Variants in ATP9A observed in about 807,000 individuals in gnomAD.
ATP9A encodes probable phospholipid-transporting ATPase IIA.
Under a neutral mutation model 144.1 loss-of-function variants are expected in ATP9A, and 52 were observed. The observed-to-expected ratio is 0.36, with a 90% confidence interval of 0.29 to 0.45. The LOEUF (loss-of-function observed/expected upper bound fraction) is 0.45. Ranked by LOEUF, ATP9A falls within the 20% of genes least tolerant of loss-of-function variation. The probability of loss-of-function intolerance (pLI) is 1.00; values close to 1 mark genes in which losing one functional copy is unlikely to be tolerated. For synonymous variants in ATP9A, 582 were observed against 557.4 expected, an observed-to-expected ratio of 1.04 and a Z score of -0.62; for missense variants, 947 against 1,392.7, an observed-to-expected ratio of 0.68 and a Z score of 5.09.
intron 1 of ATP9A, among the ~76,000 whole-genome samples, chr20:51,746,347 A>G (rs777960532): frequency 2.0e-5 from 3 of 152,218 alleles, no homozygotes; most frequent in Non-Finnish European, 4.4e-5. Flanking sequence ...CATTCACTTA[A>G]CTGATTGAAA....
intron 27 of ATP9A, among the ~76,000 whole-genome samples, chr20:51,602,355 C>A (rs952232221): frequency 1.3e-5 from 2 of 152,196 alleles, no homozygotes; most frequent in Admixed American, 6.5e-5. Context: ...AAGTGCCAGG[C>A]CCAAGGCTCA....
intron 14 of ATP9A, among the ~76,000 whole-genome samples, 154 bp from the exon 15 acceptor site, chr20:51,639,658 GAC>G (rs1457551867): frequency 6.6e-6 from 1 of 152,208 alleles, no homozygotes; most frequent in Non-Finnish European, 1.5e-5. Context: ...GCTGGCCCAT[GAC>G]AGTGTCTGTT....
chr20:51,741,713 A>C (rs2077785952), intron 1 of ATP9A, among the ~76,000 whole-genome samples: 3 of 152,184 alleles, frequency 2.0e-5, no homozygotes. Flanking sequence ...TCTAGCTTCT[A>C]CCTACACAAT....
In ATP9A at chr20:51,651,294, AATATATATTT is replaced by A. The variant is rs2077364558; in HGVS notation, c.1506+5634_1506+5643del. The stretch of plus-strand genomic sequence containing the variant: ...TATATATTTACATAATATATTATAT[AATATATATTT>A]ACATAATATATTATATAATATATAT... On this transcript the variant is annotated intron_variant, in intron 14 of 27. Coordinates refer to ENST00000338821, the MANE Select transcript of ATP9A (RefSeq NM_006045.3). 3.0e-5 allele frequency among the ~76,000 whole-genome samples: 4 copies of A among 134,018 alleles called. 1 individual carries two copies. Among genetic ancestry groups the A allele is most frequent in the Non-Finnish European group, 4.7e-5 (3 of 64,036 alleles). 87.9% of individuals were successfully genotyped at this position (134,018 alleles called of 152,430 possible).
chr20:51,706,312 C>G (rs2077614447), intron 4 of ATP9A, among the ~76,000 whole-genome samples: 1 of 152,258 alleles, frequency 6.6e-6, no homozygotes, highest in South Asian at 2.1e-4. Context: ...CATTCCAGCT[C>G]TGCCTTTTGC....
intron 3 of ATP9A, among the ~76,000 whole-genome samples, chr20:51,723,212 G>C (rs2077697136): frequency 6.6e-6 from 1 of 152,102 alleles, no homozygotes. Context: ...AGGACACAAA[G>C]GCATAAGAAT....
At chr20:51,658,721 T>C (rs780970908) in intron 13 of ATP9A, among the ~76,000 whole-genome samples, 6 of 151,698 alleles carry the variant, frequency 4.0e-5, no homozygotes, top group Non-Finnish European at 8.8e-5. Context: ...GGTTTCACCA[T>C]GTTGGCCAGG....
intron 3 of ATP9A, among the ~76,000 whole-genome samples, chr20:51,724,944 G>A (rs181406864): frequency 9.7e-4 from 147 of 152,268 alleles, no homozygotes; most frequent in Non-Finnish European, 1.5e-3. Flanking sequence ...CTTGGGAGCC[G>A]AAGTGTTTGA....
chr20:51,675,619 C>T (rs572297702), intron 10 of ATP9A, among the ~76,000 whole-genome samples: 13 of 152,334 alleles, frequency 8.5e-5, no homozygotes, highest in Non-Finnish European at 1.3e-4. Context: ...ATGGCTCACG[C>T]CTGTAATCCC....
intron 1 of ATP9A, among the ~76,000 whole-genome samples, chr20:51,761,701 A>C (rs1399361699): frequency 1.3e-5 from 2 of 151,880 alleles, no homozygotes; most frequent in African/African-American, 4.8e-5. Context: ...CGGAGCTTGC[A>C]GTGAGCCAAG....
At chr20:51,742,191 T>C (rs1025502690) in intron 1 of ATP9A, among the ~76,000 whole-genome samples, 4 of 151,792 alleles carry the variant, frequency 2.6e-5, no homozygotes, top group African/African-American at 9.7e-5. Flanking sequence ...CCAGGCATGG[T>C]GGACATGCCT....
intron 9 of ATP9A, among the ~76,000 whole-genome samples, chr20:51,682,021 G>A (rs758942209): frequency 3.3e-5 from 5 of 152,060 alleles, no homozygotes; most frequent in Non-Finnish European, 5.9e-5. Context: ...GGGGGTGGAC[G>A]GTGATAATAT....
At chr20:51,717,277 G>A (rs1327655629) in intron 3 of ATP9A, among the ~76,000 whole-genome samples, 3 of 151,540 alleles carry the variant, frequency 2.0e-5, no homozygotes, top group African/African-American at 7.3e-5. Flanking sequence ...GCAACTTTCA[G>A]AGTGGCTAGA....
intron 1 of ATP9A, among the ~76,000 whole-genome samples, chr20:51,763,590 G>A (rs979493376): frequency 1.4e-4 from 22 of 152,122 alleles, no homozygotes; most frequent in African/African-American, 5.3e-4. Context: ...TGGGATTACA[G>A]GAATGAGCCA....
In ATP9A at chr20:51,689,174, C is replaced by T. The variant is rs766861598; in HGVS notation, c.724-35G>A. 3.8e-6 allele frequency: 6 copies of T among 1,599,778 alleles called. No individual in the cohort carries two copies. The African/African-American group carries it at 6.7e-5, about 18-fold the overall frequency. ...ACCAAACGGACACACGTTCACCCCC[C>T]AAAGCTTCCCCAGAATCCACAGGCT... On this transcript the variant is annotated intron_variant, in intron 8 of 27. Coordinates refer to ENST00000338821, the MANE Select transcript of ATP9A (RefSeq NM_006045.3).
chr20:51,627,551 G>C (rs2077254277), intron 17 of ATP9A, 49 bp downstream of exon 17: 1 of 1,509,646 alleles, frequency 6.6e-7, no homozygotes, highest in Non-Finnish European at 9.2e-7. Flanking sequence ...GAGTGACTGG[G>C]AGGCAGGTGG....
chr20:51,612,193 G>C (rs1365146232), intron 23 of ATP9A, among the ~76,000 whole-genome samples: 1 of 152,168 alleles, frequency 6.6e-6, no homozygotes, highest in Non-Finnish European at 1.5e-5. Context: ...GCCTAGAGTA[G>C]TAAAGTTATT....
At chr20:51,605,283 G>C (rs1453299393) in intron 26 of ATP9A, among the ~76,000 whole-genome samples, 2 of 152,224 alleles carry the variant, frequency 1.3e-5, no homozygotes, top group Non-Finnish European at 2.9e-5. Context: ...GGAGTATCTA[G>C]AGTTGATGAA....
intron 3 of ATP9A, among the ~76,000 whole-genome samples, chr20:51,719,387 T>C (rs2077678204): frequency 6.6e-6 from 1 of 152,054 alleles, no homozygotes; most frequent in Non-Finnish European, 1.5e-5. Flanking sequence ...GAAAAAATAC[T>C]AAAAATTTTT....
Sources: gnomAD v4.1 joint callset for allele counts (sites outside exome capture counted in the v4.1 genomes callset) on GRCh38, gnomAD v4.1.1 for gene constraint, MANE v1.5 for transcripts, NCBI Gene and HGNC (gene_info 2026-07-23, HGNC 2026-07-21) for gene names.